CNTN5: variants seen among roughly 807,000 people sequenced by gnomAD.
CNTN5 encodes the protein contactin-5.
In CNTN5, 77 loss-of-function variants were observed where a neutral mutation model predicts 129.1. The observed-to-expected ratio is 0.60, with a 90% CI of 0.50 to 0.72. The LOEUF (loss-of-function observed/expected upper bound fraction) is 0.72, where lower values mean the gene tolerates loss of function less well. CNTN5 is among the 30% of genes least tolerant of loss of function. The pLI is 0.00. For synonymous variants in CNTN5, 509 were observed against 465.6 expected (o/e 1.09, Z -1.20); for missense variants, 1,478 against 1,328.8 (o/e 1.11, Z -1.75).
intron 9 of CNTN5, among the ~76,000 whole-genome samples, chr11:100,048,894 A>C (rs1942820346): frequency 6.6e-6 from 1 of 152,032 alleles, no homozygotes; most frequent in Non-Finnish European, 1.5e-5. Flanking sequence ...GATACAACAT[A>C]AACTAATTGA....
intron 8 of CNTN5, among the ~76,000 whole-genome samples, chr11:99,969,537 A>C (rs1243246668): frequency 1.3e-5 from 2 of 152,026 alleles, no homozygotes; most frequent in African/African-American, 4.8e-5. Flanking sequence ...AATAATCTCT[A>C]ATTGGGCATG....
intron 13 of CNTN5, among the ~76,000 whole-genome samples, chr11:100,092,852 C>G (rs1391506319): frequency 1.3e-5 from 2 of 149,698 alleles, no homozygotes; most frequent in Non-Finnish European, 2.9e-5. Context: ...CTTCTTTTCT[C>G]TTTGAGTTGG....
At chr11:100,067,124 C>A (rs944505913) in intron 10 of CNTN5, among the ~76,000 whole-genome samples, 2 of 151,978 alleles carry the variant, frequency 1.3e-5, no homozygotes, top group African/African-American at 4.8e-5. Context: ...TCAAGCTGAT[C>A]TAGTATTGAA....
At chr11:100,344,282 G>C (rs1355174710) in intron 23 of CNTN5, among the ~76,000 whole-genome samples, 1 of 152,094 alleles carries the variant, frequency 6.6e-6, no homozygotes, top group African/African-American at 2.4e-5. Context: ...TATTTATCTG[G>C]GAGACTTCTA....
chr11:100,058,775 A>T (rs1437408579), intron 9 of CNTN5, among the ~76,000 whole-genome samples: 2 of 152,168 alleles, frequency 1.3e-5, no homozygotes, highest in African/African-American at 4.8e-5. Flanking sequence ...AAAACATCTT[A>T]CACTTAACGG....
At chr11:99,058,684 C>T (rs1361875955) in intron 1 of CNTN5, among the ~76,000 whole-genome samples, 1 of 151,846 alleles carries the variant, frequency 6.6e-6, no homozygotes, top group Admixed American at 6.6e-5. Context: ...GTGTCCTATG[C>T]TTGCTTCTCC....
intron 3 of CNTN5, among the ~76,000 whole-genome samples, chr11:99,587,464 CAG>C (rs1949834593): frequency 6.6e-6 from 1 of 152,156 alleles, no homozygotes; most frequent in Non-Finnish European, 1.5e-5. Context: ...GAAGAGCAAC[CAG>C]ATTCAATTAC....
At chr11:100,002,454 A>C (rs1939934992) in intron 9 of CNTN5, among the ~76,000 whole-genome samples, 1 of 152,180 alleles carries the variant, frequency 6.6e-6, no homozygotes, top group Non-Finnish European at 1.5e-5. Context: ...GTCCTTATGT[A>C]AATAAAGAAG....
At chr11:99,924,272 G>A (rs974457119) in intron 7 of CNTN5, among the ~76,000 whole-genome samples, 3 of 151,844 alleles carry the variant, frequency 2.0e-5, no homozygotes, top group African/African-American at 4.8e-5. Flanking sequence ...TTACTTTTTG[G>A]TTTTGTTGCA....
intron 12 of CNTN5, 139 bp from the exon 13 acceptor site, chr11:100,074,005 T>A: frequency 2.9e-6 from 2 of 694,090 alleles, no homozygotes; most frequent in Non-Finnish European, 4.7e-6. Flanking sequence ...TTTGAGCTAC[T>A]GCCTTTTTCA....
At chr11:100,077,046 T>C (rs971425862) in intron 13 of CNTN5, among the ~76,000 whole-genome samples, 1 of 152,138 alleles carries the variant, frequency 6.6e-6, no homozygotes, top group Non-Finnish European at 1.5e-5. Flanking sequence ...AACTTAACAA[T>C]GTCAAATGCC....
chr11:99,988,284 A>G (rs868301301), intron 8 of CNTN5, among the ~76,000 whole-genome samples: 1 of 152,370 alleles, frequency 6.6e-6, no homozygotes, highest in African/African-American at 2.4e-5. Flanking sequence ...ACTATTAACA[A>G]TGGTTTAAAA....
chr11:99,974,566 T>G lies in CNTN5; in HGVS notation c.877+17557T>G, dbSNP rs574310659. On this transcript the variant is annotated intron_variant, in intron 8 of 24. Coordinates refer to ENST00000524871, the MANE Select transcript of CNTN5 (RefSeq NM_014361.4). ...GGAATAAATGTCATGAAGGATATTC[T>G]TCTCACTTCTGCAAGAAGGAAAGAA... Among the ~76,000 whole-genome samples, 4 of 152,292 alleles carry G rather than the reference T, an allele frequency of 2.6e-5. No homozygotes were observed. In the South Asian group the frequency reaches 8.3e-4, roughly 32 times the overall value.
At chr11:99,420,634 T>G (rs557972410) in intron 2 of CNTN5, among the ~76,000 whole-genome samples, 2 of 152,232 alleles carry the variant, frequency 1.3e-5, no homozygotes, top group Admixed American at 1.3e-4. Flanking sequence ...AATTGAGTTG[T>G]GGAAAGGATT....
At chr11:100,193,442 A>G (rs1388666373) in intron 14 of CNTN5, 46 bp from the exon 15 acceptor site, 1 of 1,213,302 alleles carries the variant, frequency 8.2e-7, no homozygotes, top group African/African-American at 1.6e-5. Context: ...ATGTATGGTA[A>G]CACAACAGGT....
chr11:99,232,213 C>T (rs1046368127), intron 1 of CNTN5, among the ~76,000 whole-genome samples: 30 of 152,028 alleles, frequency 2.0e-4, no homozygotes, highest in African/African-American at 5.3e-4. Flanking sequence ...TAATGGGAAT[C>T]GCACTGAATC....
At chr11:99,208,938 A>G (rs1859620779) in intron 1 of CNTN5, among the ~76,000 whole-genome samples, 1 of 152,148 alleles carries the variant, frequency 6.6e-6, no homozygotes, top group Non-Finnish European at 1.5e-5. Flanking sequence ...TTTATTGAGC[A>G]TATGCATCTC....
chr11:99,382,202 G>T (rs2136162699), intron 2 of CNTN5, among the ~76,000 whole-genome samples: 1 of 152,236 alleles, frequency 6.6e-6, no homozygotes, highest in Admixed American at 6.5e-5. Flanking sequence ...TCCAGAACGT[G>T]TTGCTAAGGC....
chr11:100,196,880 T>G (rs570093626), intron 15 of CNTN5, among the ~76,000 whole-genome samples: 1 of 152,086 alleles, frequency 6.6e-6, no homozygotes, highest in African/African-American at 2.4e-5. Flanking sequence ...TTTTAAATCT[T>G]TTTAGTTCTA....
Sources: allele counts gnomAD v4.1 joint callset (sites outside exome capture counted in the v4.1 genomes callset), GRCh38; gene constraint gnomAD v4.1.1; transcripts MANE v1.5; gene names NCBI Gene and HGNC (gene_info 2026-07-23, HGNC 2026-07-21).